Variants in SEMA6D observed in about 807,000 individuals in gnomAD.
SEMA6D encodes semaphorin-6D.
SEMA6D carries 35 observed loss-of-function variants against 106.6 expected under a neutral mutation model. The ratio of observed to expected loss-of-function variants is 0.33; its 90% confidence interval spans 0.25 to 0.44. The LOEUF is 0.44. Among genes scored for constraint, SEMA6D ranks in the 20% least tolerant of loss-of-function variants. SEMA6D has a pLI of 1.00. For synonymous variants in SEMA6D, 499 were observed against 487.7 expected, an observed-to-expected ratio of 1.02 and a Z score of -0.31; for missense variants, 1,185 against 1,345.9, an observed-to-expected ratio of 0.88 and a Z score of 1.87.
intron 4 of SEMA6D, among the ~76,000 whole-genome samples, chr15:47,611,236 A>G (rs1364642094): frequency 6.6e-6 from 1 of 152,142 alleles, no homozygotes; most frequent in Non-Finnish European, 1.5e-5. Context: ...ACTTAGTTAC[A>G]GAATCTGTGC....
intron 1 of SEMA6D, among the ~76,000 whole-genome samples, chr15:47,357,817 CCATCA>C (rs2038646978): frequency 6.6e-6 from 1 of 152,136 alleles, no homozygotes; most frequent in Admixed American, 6.5e-5. Flanking sequence ...TGAGTGTTAA[CCATCA>C]CAGCCATTTA....
intron 1 of SEMA6D, among the ~76,000 whole-genome samples, chr15:47,209,331 A>C (rs62017392): frequency 0.012 from 1,852 of 152,276 alleles, 42 homozygotes; most frequent in Admixed American, 0.012. Context: ...AATGCTTCCA[A>C]AATATTTTGG....
intron 4 of SEMA6D, among the ~76,000 whole-genome samples, chr15:47,650,242 A>G (rs2077660699): frequency 1.3e-5 from 2 of 152,260 alleles, no homozygotes; most frequent in South Asian, 4.1e-4. Flanking sequence ...TAGTCCATAA[A>G]AGCTGGACTG....
At chr15:47,549,128 A>G (rs1383695677) in intron 3 of SEMA6D, among the ~76,000 whole-genome samples, 1 of 152,138 alleles carries the variant, frequency 6.6e-6, no homozygotes, top group African/African-American at 2.4e-5. Context: ...TCCAGTCCCG[A>G]TGGAGCCAAC....
chr15:47,415,763 C>A (rs949930761), intron 2 of SEMA6D, among the ~76,000 whole-genome samples: 1 of 152,160 alleles, frequency 6.6e-6, no homozygotes, highest in Non-Finnish European at 1.5e-5. Flanking sequence ...TCAACAAACA[C>A]AATTTGCTGG....
chr15:47,572,504 C>G (rs536676447), intron 3 of SEMA6D, among the ~76,000 whole-genome samples: 1 of 152,262 alleles, frequency 6.6e-6, no homozygotes, highest in Non-Finnish European at 1.5e-5. Context: ...CTGGCCCTTC[C>G]TTTATGGGTC....
intron 1 of SEMA6D, among the ~76,000 whole-genome samples, chr15:47,737,299 T>A (rs868832393): frequency 5.3e-5 from 8 of 152,004 alleles, no homozygotes; most frequent in Middle Eastern, 3.2e-3. Flanking sequence ...GTTCTTGGTT[T>A]TATTGAACAG....
chr15:47,376,098 C>T (rs754175757), intron 1 of SEMA6D, among the ~76,000 whole-genome samples: 7 of 152,262 alleles, frequency 4.6e-5, no homozygotes, highest in Non-Finnish European at 8.8e-5. Context: ...ACTTTGAAGT[C>T]GTATTAGTCT....
chr15:47,191,939 G>T (rs1484242922), intron 1 of SEMA6D, among the ~76,000 whole-genome samples: 1 of 152,136 alleles, frequency 6.6e-6, no homozygotes, highest in Non-Finnish European at 1.5e-5. Context: ...TTAGACCAAG[G>T]TTATCATAGC....
intron 3 of SEMA6D, among the ~76,000 whole-genome samples, chr15:47,600,500 C>T (rs1163711989): frequency 6.6e-6 from 1 of 152,094 alleles, no homozygotes. Context: ...TAAGACATAG[C>T]TGACCAGAGA....
intron 1 of SEMA6D, among the ~76,000 whole-genome samples, chr15:47,215,418 G>A (rs1452399492): frequency 1.3e-5 from 2 of 151,966 alleles, no homozygotes; most frequent in African/African-American, 2.4e-5. Flanking sequence ...AAACTGTTGG[G>A]CATTTTTCAA....
At chr15:47,653,458 C>A (rs568425734) in intron 4 of SEMA6D, among the ~76,000 whole-genome samples, 9 of 152,312 alleles carry the variant, frequency 5.9e-5, no homozygotes, top group African/African-American at 2.2e-4. Context: ...TCTTTCATAG[C>A]AAGACCTTTA....
intron 1 of SEMA6D, among the ~76,000 whole-genome samples, chr15:47,751,613 G>T (rs2081441054): frequency 6.6e-6 from 1 of 152,154 alleles, no homozygotes; most frequent in Admixed American, 6.5e-5. Context: ...CTCTTGGGAA[G>T]TGGAAGCCCC....
rs2082672089 is a variant in SEMA6D, at chr15:47,772,430, CTT to C, written c.*649_*650del. The stretch of plus-strand genomic sequence containing the variant: ...GGATTTGTTTAGGTGCCCATTGCAT[CTT>C]TTTGTGCTATGGAGTTGTTTACATT... On this transcript the variant is annotated 3_prime_UTR_variant, in exon 19 of 19. Transcript: ENST00000536845. 6.7e-6 allele frequency: 1 copy of C among 150,124 alleles called. No individual in the cohort carries two copies. Among genetic ancestry groups the C allele is most frequent in the African/African-American group, 2.5e-5 (1 of 40,382 alleles). 9.3% of individuals were successfully genotyped at this position (150,124 alleles called of 1,614,324 possible).
intron 1 of SEMA6D, among the ~76,000 whole-genome samples, chr15:47,286,082 C>T (rs146227840): frequency 4.6e-5 from 7 of 152,212 alleles, no homozygotes; most frequent in South Asian, 2.1e-4. Flanking sequence ...CTTAAGAGGA[C>T]GTGTCTGAAC....
At chr15:47,427,862 T>C (rs766559980) in intron 2 of SEMA6D, among the ~76,000 whole-genome samples, 13 of 152,254 alleles carry the variant, frequency 8.5e-5, no homozygotes, top group Non-Finnish European at 1.3e-4. Flanking sequence ...GAACCCTTCT[T>C]GATTTCCTAA....
intron 1 of SEMA6D, among the ~76,000 whole-genome samples, chr15:47,302,035 A>G (rs2036044341): frequency 6.6e-6 from 1 of 152,188 alleles, no homozygotes; most frequent in Non-Finnish European, 1.5e-5. Flanking sequence ...AACCAAGTAA[A>G]TGCTGAATAT....
At chr15:47,548,562 G>T (rs185665517) in intron 3 of SEMA6D, among the ~76,000 whole-genome samples, 1 of 152,184 alleles carries the variant, frequency 6.6e-6, no homozygotes, top group Non-Finnish European at 1.5e-5. Flanking sequence ...TTGCCATTTG[G>T]ACCTTCTTCA....
At chr15:47,253,128 A>G (rs2033613675) in intron 1 of SEMA6D, among the ~76,000 whole-genome samples, 1 of 152,034 alleles carries the variant, frequency 6.6e-6, no homozygotes, top group Non-Finnish European at 1.5e-5. Context: ...TTTGATTTGT[A>G]TTTACCTAAT....
Sources: gnomAD v4.1 joint callset for allele counts (sites outside exome capture counted in the v4.1 genomes callset) on GRCh38, gnomAD v4.1.1 for gene constraint, MANE v1.5 for transcripts, NCBI Gene and HGNC (gene_info 2026-07-23, HGNC 2026-07-21) for gene names.